Variants in ZKSCAN7 observed in about 807,000 individuals in gnomAD.
The protein encoded by ZKSCAN7 is zinc finger protein with KRAB and SCAN domains 7.
Under a neutral mutation model 65.3 loss-of-function variants are expected in ZKSCAN7, and 38 were observed. The ratio of observed to expected loss-of-function variants is 0.58; its 90% confidence interval spans 0.45 to 0.76. The LOEUF (loss-of-function observed/expected upper bound fraction) is 0.76, where lower values mean the gene tolerates loss of function less well. ZKSCAN7 is among the 30% of genes least tolerant of loss of function. The pLI is 0.00. For missense variants in ZKSCAN7, 815 were observed against 913.3 expected (o/e 0.89, Z 1.39); for synonymous variants, 321 against 321.0 (o/e 1.00, Z 0.00).
chr3:44,556,336 T>C (rs1239960893), intron 1 of ZKSCAN7, among the ~76,000 whole-genome samples: 2 of 152,212 alleles, frequency 1.3e-5, no homozygotes, highest in East Asian at 3.8e-4. Context: ...CCTTTGTTCA[T>C]GGTCTTGACA....
intron 5 of ZKSCAN7, chr3:44,580,307 G>C: frequency 6.2e-7 from 1 of 1,613,824 alleles, no homozygotes; most frequent in South Asian, 1.1e-5. Flanking sequence ...CCTCTTCTTT[G>C]CTCTCCAGCC....
At chr3:44,581,231 C>T (rs962464051) in intron 5 of ZKSCAN7, among the ~76,000 whole-genome samples, 3 of 147,576 alleles carry the variant, frequency 2.0e-5, no homozygotes, top group Non-Finnish European at 3.0e-5. Flanking sequence ...AGCTCCCGCC[C>T]GCACCGCCGC....
downstream of ZKSCAN7, among the ~76,000 whole-genome samples, chr3:44,576,641 G>C (rs980599713): frequency 1.3e-5 from 2 of 152,228 alleles, no homozygotes; most frequent in African/African-American, 4.8e-5. Context: ...TCTGCAGATA[G>C]GGAAATGGAT....
At chr3:44,576,115 T>G (rs1023511338), downstream of ZKSCAN7, among the ~76,000 whole-genome samples, 11 of 152,220 alleles carry the variant, frequency 7.2e-5, no homozygotes, top group African/African-American at 2.2e-4. Context: ...TCAGTGGTTT[T>G]GTTCTTCAGG....
At chr3:44,578,974 C>T (rs1699990204) in intron 5 of ZKSCAN7, among the ~76,000 whole-genome samples, 1 of 152,240 alleles carries the variant, frequency 6.6e-6, no homozygotes, top group Non-Finnish European at 1.5e-5. Flanking sequence ...AGGCCTCCTT[C>T]TGGCTCTGCT....
In ZKSCAN7 at chr3:44,566,073, G is replaced by T. The variant is rs1170637451; in HGVS notation, c.592+418G>T. 2.0e-5 allele frequency among the ~76,000 whole-genome samples: 3 copies of T among 152,202 alleles called. 1 individual carries two copies. The highest frequency in any genetic ancestry group is 1.5e-5 in the Non-Finnish European group (1 of 68,044). Reference sequence around the variant, plus strand: ...AAAGTGATCACTGGGTAAAAAGCAAGATCATTGTGGGCTGGAACTGGTAAG... The same window carrying T: ...AAAGTGATCACTGGGTAAAAAGCAATATCATTGTGGGCTGGAACTGGTAAG... On this transcript the variant is annotated intron_variant, in intron 3 of 5. Transcript: ENST00000426540.
downstream of ZKSCAN7, among the ~76,000 whole-genome samples, chr3:44,576,599 G>C (rs187866912): frequency 3.3e-5 from 5 of 152,144 alleles, no homozygotes; most frequent in Admixed American, 2.0e-4. Context: ...CCTCATTAGT[G>C]AATGACAAGG....
At chr3:44,572,184 G>A, downstream of ZKSCAN7, 1 of 985,390 alleles carries the variant, frequency 1.0e-6, no homozygotes, top group Non-Finnish European at 1.2e-6. Flanking sequence ...TATCCTTAAA[G>A]TATGCACGAT....
Position 44,569,906 on chromosome 3 carries a change from T to C in ZKSCAN7, c.812-16T>C. ...TAAGAAATGGGTAAAAGTTGTTGTC[T>C]TCTTTCTTTGGGCAGCAGGTGAGAA... On this transcript the variant is annotated splice_polypyrimidine_tract_variant and intron_variant, in intron 5 of 5. Transcript: ENST00000426540. 1 of 1,513,674 alleles carries C rather than the reference T, an allele frequency of 6.6e-7. No individual in the cohort carries two copies. The allele number at this position is 1,513,674 out of a possible 1,614,324, so 93.8% of individuals were successfully genotyped here.
chr3:44,566,687 G>T (rs990905685), intron 3 of ZKSCAN7, among the ~76,000 whole-genome samples: 5 of 151,776 alleles, frequency 3.3e-5, no homozygotes, highest in Non-Finnish European at 7.4e-5. Flanking sequence ...ACCCAGGCTG[G>T]AGTGCAATGG....
At position 44,565,621 on chromosome 3, in the gene ZKSCAN7, C is replaced by T. The variant is rs1397276590; in HGVS notation, c.558C>T (p.Asp186=). 1 of 1,609,030 alleles carries T rather than the reference C, an allele frequency of 6.2e-7. No individual in the cohort carries two copies. The change falls in exon 3 of 6, where the codon GAC becomes GAT. Residue 186 remains aspartate, a synonymous_variant. Transcript: ENST00000426540. ...APGAHLEPPY[D]PGTHHLPSGD... ...GAGCCCACCTGGAGCCTCCTTATGA[C>T]CCAGGGACACACCACCTCCCCAGTG...
chr3:44,563,644 T>C (rs1428411447), intron 2 of ZKSCAN7, among the ~76,000 whole-genome samples: 1 of 64,820 alleles, frequency 1.5e-5, no homozygotes, highest in East Asian at 5.2e-4. Flanking sequence ...GGGGAAATCT[T>C]CCCCCCCTAC....
In ZKSCAN7 at chr3:44,562,956, T is replaced by G. The variant is rs557566147; in HGVS notation, c.424-2531T>G. 6.0e-5 allele frequency among the ~76,000 whole-genome samples: 9 copies of G among 151,122 alleles called. No homozygotes were observed. The East Asian group carries it at 1.6e-3, about 26-fold the overall frequency. On this transcript the variant is annotated intron_variant, in intron 2 of 5. Coordinates refer to ENST00000426540, the MANE Select transcript of ZKSCAN7 (RefSeq NM_001288590.2). ...CTGCACTCCAGCCTGGGTGACAGAA[T>G]GAGACTCCATCTCAAAAAACAAAAA...
intron 2 of ZKSCAN7, among the ~76,000 whole-genome samples, chr3:44,564,948 G>A (rs919468228): frequency 1.3e-5 from 2 of 152,008 alleles, no homozygotes; most frequent in Non-Finnish European, 2.9e-5. Context: ...CTACAGCTGC[G>A]TGCCACCATG....
intron 5 of ZKSCAN7, among the ~76,000 whole-genome samples, chr3:44,582,571 CA>C (rs200607981): frequency 6.6e-6 from 1 of 151,938 alleles, no homozygotes; most frequent in African/African-American, 2.4e-5. Context: ...TTATGACACA[CA>C]AAAAAACACC....
chr3:44,581,740 G>T (rs1365823247), intron 5 of ZKSCAN7, among the ~76,000 whole-genome samples: 2 of 152,130 alleles, frequency 1.3e-5, no homozygotes, highest in African/African-American at 4.8e-5. Flanking sequence ...GCTGGGAGTG[G>T]TATACTTACT....
chr3:44,569,846 T>G, intron 5 of ZKSCAN7, 76 bp from the exon 6 acceptor site: 4 of 1,462,962 alleles, frequency 2.7e-6, no homozygotes, highest in Non-Finnish European at 3.6e-6. Context: ...TTTTCAGGTA[T>G]GTTAGCTCTT....
rs1488208460 is a variant in ZKSCAN7, at chr3:44,555,312, G to A, written c.-288G>A. On this transcript the variant is annotated 5_prime_UTR_variant, in exon 1 of 6. Coordinates refer to ENST00000426540, the MANE Select transcript of ZKSCAN7 (RefSeq NM_001288590.2). ...AGGCGCGGCCGGAGCTCGGGTCGCC[G>A]ACGCTGGCCAGGACCGCGCTTCTTC... 1 of 152,298 alleles carries A rather than the reference G, an allele frequency of 6.6e-6. No individual in the cohort carries two copies. The highest frequency in any genetic ancestry group is 1.5e-5 in the Non-Finnish European group (1 of 68,088). The allele number at this position is 152,298 out of a possible 1,614,324, so 9.4% of individuals were successfully genotyped here. A position where few individuals can be genotyped will look rare whatever the true frequency, so the allele number is the denominator to read the frequency against.
chr3:44,578,227 G>T (rs116972372), intron 5 of ZKSCAN7: 2 of 1,532,610 alleles, frequency 1.3e-6, no homozygotes, highest in South Asian at 2.2e-5. Flanking sequence ...TGTCACTTGC[G>T]TACTTCTTGT....
Sources: allele counts gnomAD v4.1 joint callset (sites outside exome capture counted in the v4.1 genomes callset), GRCh38; gene constraint gnomAD v4.1.1; transcripts MANE v1.5; gene names NCBI Gene and HGNC (gene_info 2026-07-23, HGNC 2026-07-21).